Variants in ZNF148 observed in about 807,000 individuals in gnomAD.
The protein encoded by ZNF148 is Beta-Enolase Repressor Factor-1.
ZNF148 carries 7 observed loss-of-function variants against 67.7 expected under a neutral mutation model. The ratio of observed to expected loss-of-function variants is 0.10; its 90% confidence interval spans 0.06 to 0.19. The LOEUF (loss-of-function observed/expected upper bound fraction) is 0.19. Among genes scored for constraint, ZNF148 ranks in the 10% least tolerant of loss-of-function variants. The pLI, the probability that ZNF148 is intolerant of heterozygous loss-of-function variation, is 1.00. For missense variants in ZNF148, 583 were observed against 947.1 expected (o/e 0.62, Z 5.05); for synonymous variants, 333 against 330.7 (o/e 1.01, Z -0.08).
chr3:125,248,968 G>A (rs1394367010), intron 7 of ZNF148, among the ~76,000 whole-genome samples: 1 of 152,118 alleles, frequency 6.6e-6, no homozygotes, highest in Admixed American at 6.5e-5. Context: ...TAGAATACCT[G>A]TCTTATTTCT....
At chr3:125,375,014 G>T (rs1198118403) in intron 1 of ZNF148, 88 bp downstream of exon 1, 5 of 149,712 alleles carry the variant, frequency 3.3e-5, no homozygotes, top group Admixed American at 2.0e-4. Flanking sequence ...GGGTCAGGCC[G>T]TTACCGCCGC....
chr3:125,258,759 C>T (rs1360250252), intron 7 of ZNF148, among the ~76,000 whole-genome samples: 1 of 152,068 alleles, frequency 6.6e-6, no homozygotes. Context: ...AACAGTCTAA[C>T]CCATTTTTTA....
At chr3:125,327,543 G>A (rs545108429) in intron 2 of ZNF148, among the ~76,000 whole-genome samples, 10 of 152,284 alleles carry the variant, frequency 6.6e-5, no homozygotes, top group South Asian at 4.1e-4. Context: ...TGTCTGAGCC[G>A]CACAACGTGG....
At chr3:125,245,148 C>T (rs1212529507) in intron 7 of ZNF148, among the ~76,000 whole-genome samples, 1 of 152,092 alleles carries the variant, frequency 6.6e-6, no homozygotes, top group African/African-American at 2.4e-5. Flanking sequence ...TACATCATAT[C>T]CCACAATAAA....
intron 7 of ZNF148, among the ~76,000 whole-genome samples, chr3:125,248,260 A>G (rs1181878274): frequency 6.6e-6 from 1 of 152,256 alleles, no homozygotes; most frequent in Non-Finnish European, 1.5e-5. Flanking sequence ...ACTAAAAAGT[A>G]TCCTGACTTC....
At chr3:125,253,693 T>C (rs1560115914) in intron 7 of ZNF148, among the ~76,000 whole-genome samples, 1 of 152,194 alleles carries the variant, frequency 6.6e-6, no homozygotes, top group Non-Finnish European at 1.5e-5. Context: ...ATTTCCCTCC[T>C]TAATTTGTTA....
At chr3:125,272,430 G>C (rs1174598540) in intron 7 of ZNF148, among the ~76,000 whole-genome samples, 4 of 152,204 alleles carry the variant, frequency 2.6e-5, no homozygotes, top group African/African-American at 9.6e-5. Flanking sequence ...TTGAGGGGTA[G>C]GGATACTCAT....
intron 7 of ZNF148, among the ~76,000 whole-genome samples, chr3:125,259,562 G>C (rs1292800419): frequency 6.6e-6 from 1 of 152,104 alleles, no homozygotes; most frequent in Non-Finnish European, 1.5e-5. Flanking sequence ...TTGTTTCTCA[G>C]TGCATGTAAA....
intron 4 of ZNF148, among the ~76,000 whole-genome samples, chr3:125,312,472 A>G (rs2107672580): frequency 6.6e-6 from 1 of 152,326 alleles, no homozygotes; most frequent in African/African-American, 2.4e-5. Flanking sequence ...GGAGTCTACA[A>G]TCCATCAGAG....
chr3:125,363,671 T>A (rs1162866330), intron 1 of ZNF148, among the ~76,000 whole-genome samples: 2 of 151,028 alleles, frequency 1.3e-5, no homozygotes. Context: ...TTTTTTTTTT[T>A]TTTGAGACAG....
intron 1 of ZNF148, among the ~76,000 whole-genome samples, chr3:125,373,201 T>C (rs1942946309): frequency 6.6e-6 from 1 of 150,602 alleles, no homozygotes; most frequent in South Asian, 2.1e-4. Context: ...TCCCAGCACT[T>C]TGAGAGGCCA....
At position 125,313,095 on chromosome 3, in the gene ZNF148, ATT is replaced by A. The variant is rs370672559; in HGVS notation, c.333+211_333+212del. Among the ~76,000 whole-genome samples the A allele has an allele frequency of 1.6e-4, 24 of 152,312 alleles. No individual in the cohort carries two copies. In the East Asian group the frequency reaches 4.2e-3, roughly 27 times the overall value. On this transcript the variant is annotated intron_variant, in intron 4 of 8. Coordinates refer to ENST00000360647, the MANE Select transcript of ZNF148 (RefSeq NM_021964.3). ...TAATACCAAAATAATCCTGAGAAAT[ATT>A]GTTATCCTGAAAGAAATAAGCTTCT... is the stretch of plus-strand genomic sequence containing the variant.
intron 7 of ZNF148, among the ~76,000 whole-genome samples, chr3:125,255,786 A>AT (rs1937046958): frequency 1.3e-5 from 2 of 151,748 alleles, no homozygotes; most frequent in African/African-American, 4.8e-5. Context: ...CTGACATTCC[A>AT]TTTTTTTCAT....
chr3:125,327,646 C>T (rs1272952259), intron 2 of ZNF148, among the ~76,000 whole-genome samples: 1 of 152,134 alleles, frequency 6.6e-6, no homozygotes, highest in Non-Finnish European at 1.5e-5. Context: ...CACAGCAAGA[C>T]CCTGTCTTAC....
chr3:125,312,229 T>C (rs148355722), intron 4 of ZNF148, among the ~76,000 whole-genome samples: 34 of 152,282 alleles, frequency 2.2e-4, no homozygotes, highest in African/African-American at 7.9e-4. Context: ...AAGAACTATA[T>C]ACCACAAACA....
chr3:125,232,800 T>C lies in ZNF148; in HGVS notation c.1926A>G (p.Ala642=). ...TDNQTLPNQP[A]FSSIDKQVYA... ...AGACCTGCTTGTCTATGGAAGAGAA[T>C]GCTGGCTGATTTGGGAGGGTCTGGT... Residue 642 remains alanine, a synonymous_variant, in exon 9 of 9, where the codon GCA becomes GCG. Coordinates refer to ENST00000360647, the MANE Select transcript of ZNF148 (RefSeq NM_021964.3). This position sits in a 1 kb window ranked among gnomAD's most constrained non-coding sequence, Gnocchi z 4.2. 1.2e-6 allele frequency: 2 copies of C among 1,613,874 alleles called. No homozygotes were observed. Among genetic ancestry groups the C allele is most frequent in the Non-Finnish European group, 1.7e-6 (2 of 1,179,806 alleles).
chr3:125,324,299 G>T (rs1940923933), intron 2 of ZNF148, among the ~76,000 whole-genome samples: 1 of 152,004 alleles, frequency 6.6e-6, no homozygotes, highest in Non-Finnish European at 1.5e-5. Context: ...CAGAACTAAC[G>T]CATGCCAAAA....
At chr3:125,345,919 T>C (rs954028245) in intron 1 of ZNF148, among the ~76,000 whole-genome samples, 2 of 152,142 alleles carry the variant, frequency 1.3e-5, no homozygotes, top group Non-Finnish European at 2.9e-5. Flanking sequence ...TAATGAAGAA[T>C]TAATACCAAC....
intron 1 of ZNF148, among the ~76,000 whole-genome samples, chr3:125,364,019 C>T (rs1942626632): frequency 1.3e-5 from 2 of 152,150 alleles, no homozygotes; most frequent in Non-Finnish European, 2.9e-5. Context: ...AGAAAGGTCA[C>T]CAGATTAGTA....
Sources: allele counts gnomAD v4.1 joint callset (sites outside exome capture counted in the v4.1 genomes callset), GRCh38; gene constraint gnomAD v4.1.1; non-coding constraint Gnocchi (gnomAD v3.1); transcripts MANE v1.5; gene names NCBI Gene and HGNC (gene_info 2026-07-23, HGNC 2026-07-21).